FANCM: variants seen among roughly 807,000 people sequenced by gnomAD.
FANCM encodes the protein FA complementation group M.
FANCM carries 140 observed loss-of-function variants against 199.5 expected under a neutral mutation model. The observed-to-expected ratio is 0.70, with a 90% CI of 0.61 to 0.81. FANCM has a LOEUF of 0.81. Ranked by LOEUF, FANCM falls within the 30% of genes least tolerant of loss-of-function variation. The probability of loss-of-function intolerance (pLI) is 0.00; values close to 1 mark genes in which losing one functional copy is unlikely to be tolerated. For synonymous variants in FANCM, 840 were observed against 836.8 expected (o/e 1.00, Z -0.07); for missense variants, 2,410 against 2,421.4 (o/e 1.00, Z 0.10).
chr14:45,151,278 A>G (rs1187146014), intron 4 of FANCM, 119 bp from the exon 5 acceptor site: 1 of 806,192 alleles, frequency 1.2e-6, no homozygotes, highest in Non-Finnish European at 2.0e-6. Context: ...TTACTTAAAC[A>G]TTCATTGTAA....
At position 45,200,695 on chromosome 14, in the gene FANCM, C is replaced by T. The variant is rs1419897133; in HGVS notation, c.*687C>T. The T allele has an allele frequency of 6.6e-6, 1 of 152,226 alleles. No individual in the cohort carries two copies. The highest frequency in any genetic ancestry group is 1.5e-5 in the Non-Finnish European group (1 of 68,064). The allele number at this position is 152,226 out of a possible 1,614,324, so 9.4% of individuals were successfully genotyped here. A position where few individuals can be genotyped will look rare whatever the true frequency, so the allele number is the denominator to read the frequency against. On this transcript the variant is annotated 3_prime_UTR_variant, in exon 23 of 23. Coordinates refer to ENST00000267430, the MANE Select transcript of FANCM (RefSeq NM_020937.4). Reference sequence around the variant, plus strand: ...GATTAGCTCATGGGGGCGGTTCCCCCATGCTGTTCTAGTGATAGTTCTCAG... The same window carrying T: ...GATTAGCTCATGGGGGCGGTTCCCCTATGCTGTTCTAGTGATAGTTCTCAG...
In FANCM at chr14:45,157,081, C is replaced by A. The variant is rs1240777296; in HGVS notation, c.1396+1622C>A. ...TAATTAGCTTGATTTAGCCATTTCA[C>A]AATGTATATAGACATCTCAAAACAT... is the stretch of plus-strand genomic sequence containing the variant. On this transcript the variant is annotated intron_variant, in intron 8 of 22. Coordinates refer to ENST00000267430, the MANE Select transcript of FANCM (RefSeq NM_020937.4). Among the ~76,000 whole-genome samples, 4 of 151,902 alleles carry A rather than the reference C, an allele frequency of 2.6e-5. No homozygotes were observed. In the East Asian group the frequency reaches 7.7e-4, roughly 29 times the overall value.
rs747134090 is a variant in FANCM at position 45,176,496 on chromosome 14, C to T, written c.3742C>T (p.His1248Tyr). The change falls in exon 14 of 23, where the codon CAT becomes TAT. Residue 1248 changes from histidine (H) to tyrosine (Y), a missense_variant. His to Tyr is a moderately conservative substitution (Grantham distance 83). Coordinates refer to ENST00000267430, the MANE Select transcript of FANCM (RefSeq NM_020937.4). ...AGATTCTGATGATGAAATATTGGAACATACATCAGATAGCAATAGACCTCT... is the reference window on the plus strand; with the variant it reads ...AGATTCTGATGATGAAATATTGGAATATACATCAGATAGCAATAGACCTCT... The part of the protein sequence containing the change: ...SPDSDDEILE[H>Y]TSDSNRPLDD... 1 of 1,606,834 alleles carries T rather than the reference C, an allele frequency of 6.2e-7. No individual in the cohort carries two copies. Among genetic ancestry groups the T allele is most frequent in the East Asian group, 2.2e-5 (1 of 44,796 alleles).
intron 18 of FANCM, among the ~76,000 whole-genome samples, chr14:45,187,158 T>C (rs973442113): frequency 2.6e-5 from 4 of 152,092 alleles, no homozygotes; most frequent in Non-Finnish European, 5.9e-5. Flanking sequence ...TTATAGAGGT[T>C]TGAAATTCCA....
chr14:45,170,891 TAAG>T (rs1439744674), intron 12 of FANCM, 145 bp downstream of exon 12: 4 of 735,568 alleles, frequency 5.4e-6, no homozygotes, highest in Non-Finnish European at 9.5e-6. Flanking sequence ...TTTAAGAAAT[TAAG>T]AATGTAATCA....
At chr14:45,154,902 C>T (rs1278226588) in intron 7 of FANCM, 80 bp downstream of exon 7, 10 of 1,000,092 alleles carry the variant, frequency 1.0e-5, no homozygotes, top group Admixed American at 1.8e-5. Flanking sequence ...TCCTTTGATG[C>T]AAATGTCTAC....
At chr14:45,178,510 CAG>C (rs1888855200) in intron 14 of FANCM, among the ~76,000 whole-genome samples, 1 of 152,038 alleles carries the variant, frequency 6.6e-6, no homozygotes, top group South Asian at 2.1e-4. Flanking sequence ...TAATTCAAGA[CAG>C]AATTTAAGCT....
In FANCM at chr14:45,138,262, G is replaced by C. The variant is rs148141439; in HGVS notation, c.681+1021G>C. On this transcript the variant is annotated intron_variant, in intron 2 of 22. Transcript: ENST00000267430. ...ATGATAGGAGGAGATTATAGAGCAA[G>C]AATAAAAGAGGGAAAGGTAGGGAAA... 4.1e-3 allele frequency among the ~76,000 whole-genome samples: 622 copies of C among 152,234 alleles called. 4 individuals are homozygous for C. The highest frequency in any genetic ancestry group is 0.014 in the African/African-American group (574 of 41,532).
In FANCM at chr14:45,175,563, C is replaced by G; in HGVS notation, c.2809C>G (p.Leu937Val). The change falls in exon 14 of 23, where the codon CTT (leucine) becomes GTT (valine). Residue 937 changes from leucine to valine, a missense_variant. Transcript: ENST00000267430. ...CQFTNKSTSS[L>V]AGNVLDSGYN... Reference sequence around the variant, plus strand: ...GTTTACAAATAAATCCACTAGTTCACTTGCTGGAAATGTTTTAGATTCTGG... The same window carrying G: ...GTTTACAAATAAATCCACTAGTTCAGTTGCTGGAAATGTTTTAGATTCTGG... The G allele has an allele frequency of 2.5e-6, 4 of 1,613,358 alleles. No individual in the cohort carries two copies. The highest frequency in any genetic ancestry group is 3.4e-6 in the Non-Finnish European group (4 of 1,179,514).
At chr14:45,136,970 G>A (rs1487706868) in intron 1 of FANCM, 99 bp from the exon 2 acceptor site, 2 of 920,128 alleles carry the variant, frequency 2.2e-6, no homozygotes, top group East Asian at 5.0e-5. Flanking sequence ...TTCTCTTAAT[G>A]TTACCAAAGC....
rs1235515288 is a variant in FANCM, at chr14:45,176,948, T to G, written c.4194T>G (p.Tyr1398Ter). The G allele has an allele frequency of 5.0e-6, 8 of 1,601,844 alleles. No homozygotes were observed. The highest frequency in any genetic ancestry group is 6.8e-6 in the Non-Finnish European group (8 of 1,169,490). Residue 1398 changes from tyrosine to a stop codon, truncating the protein, a stop_gained, in exon 14 of 23, where the codon TAT becomes TAG. Coordinates refer to ENST00000267430, the MANE Select transcript of FANCM (RefSeq NM_020937.4). LOFTEE classifies it high-confidence loss of function. ...AGTCTAAAAGCAGTGGTCCAATGTA[T>G]CTGCATAAATCCTGTCATTCTGTTG... Reference protein sequence around the residue: ...LEKSKSSGPMYLHKSCHSVED... With the variant: ...LEKSKSSGPM
At chr14:45,193,389 C>CT (rs1889883848) in intron 20 of FANCM, among the ~76,000 whole-genome samples, 2 of 152,200 alleles carry the variant, frequency 1.3e-5, no homozygotes, top group African/African-American at 4.8e-5. Context: ...CTAGTGCTCC[C>CT]TCCCACCAGG....
At position 45,172,511 on chromosome 14, in the gene FANCM, C is replaced by T. The variant is rs146281033; in HGVS notation, c.2161-544C>T. Reference sequence around the variant, plus strand: ...GTATCATTTGGTTGAATATGGTGTCCTTTCCCCACTTTATGTTTTTGTTTG... The same window carrying T: ...GTATCATTTGGTTGAATATGGTGTCTTTTCCCCACTTTATGTTTTTGTTTG... On this transcript the variant is annotated intron_variant, in intron 12 of 22. Coordinates refer to ENST00000267430, the MANE Select transcript of FANCM (RefSeq NM_020937.4). 3.3e-5 allele frequency among the ~76,000 whole-genome samples: 5 copies of T among 152,220 alleles called. No individual in the cohort carries two copies. In the East Asian group the frequency reaches 9.7e-4, roughly 29 times the overall value.
Position 45,140,613 on chromosome 14 carries a change from G to A in FANCM, c.682-19G>A, listed in dbSNP as rs764901317. ...TTTGCATTGAACAGATGAAACTAAAGAACTTTTTTTTTCTTAAGGTTGTAA... is the reference window on the plus strand; with the variant it reads ...TTTGCATTGAACAGATGAAACTAAAAAACTTTTTTTTTCTTAAGGTTGTAA... On this transcript the variant is annotated intron_variant, in intron 2 of 22. Transcript: ENST00000267430. 1.4e-6 allele frequency: 2 copies of A among 1,432,318 alleles called. No homozygotes were observed. The highest frequency in any genetic ancestry group is 1.1e-5 in the South Asian group (1 of 87,418). The allele number at this position is 1,432,318 out of a possible 1,614,324, so 88.7% of individuals were successfully genotyped here.
In FANCM at chr14:45,176,261, A is replaced by G. The variant is rs2139249083; in HGVS notation, c.3507A>G (p.Glu1169=). Residue 1169 remains glutamate, a synonymous_variant, in exon 14 of 23, where the codon GAA becomes GAG. Coordinates refer to ENST00000267430, the MANE Select transcript of FANCM (RefSeq NM_020937.4). The part of the protein sequence containing the change: ...LPVSDKTAIS[E]TPLVSQFLIS... ...TGTCAGACAAAACTGCTATTAGTGA[A>G]ACGCCTCTGGTCTCTCAGTTCTTAA... 6.2e-7 allele frequency: 1 copy of G among 1,613,906 alleles called. No homozygotes were observed. The highest frequency in any genetic ancestry group is 8.5e-7 in the Non-Finnish European group (1 of 1,179,862).
At chr14:45,195,215 C>CAT (rs2139315859) in intron 20 of FANCM, among the ~76,000 whole-genome samples, 1 of 152,280 alleles carries the variant, frequency 6.6e-6, no homozygotes, top group South Asian at 2.1e-4. Flanking sequence ...TTCATACATT[C>CAT]ATATAGCTCA....
intron 17 of FANCM, among the ~76,000 whole-genome samples, chr14:45,184,813 CCACAGACTGGAGTGCAGTGG>C (rs1386314456): frequency 4.0e-5 from 6 of 150,238 alleles, no homozygotes; most frequent in African/African-American, 1.5e-4. Flanking sequence ...GCTGTTACTG[CCACAGACTGGAGTGCAGTGG>C]CACCATCTCA....
intron 9 of FANCM, among the ~76,000 whole-genome samples, chr14:45,162,647 G>A (rs1887685692): frequency 6.6e-6 from 1 of 152,106 alleles, no homozygotes. Flanking sequence ...TTCAGTAGCA[G>A]TCTTTTAAAC....
chr14:45,198,290 A>G (rs1890178777), intron 21 of FANCM: 1 of 164,796 alleles, frequency 6.1e-6, no homozygotes, highest in Admixed American at 6.1e-5. Context: ...TTTGGAATAA[A>G]TACCTAAGAT....
Sources: gnomAD v4.1 joint callset for allele counts (sites outside exome capture counted in the v4.1 genomes callset) on GRCh38, gnomAD v4.1.1 for gene constraint, MANE v1.5 for transcripts, NCBI Gene and HGNC (gene_info 2026-07-23, HGNC 2026-07-21) for gene names.